Variants in CLEC9A observed in about 807,000 individuals in gnomAD.
The protein encoded by CLEC9A is C-type lectin domain family 9 member A.
A neutral mutation model predicts 30.0 loss-of-function variants in CLEC9A; 24 were observed. That is an observed-to-expected ratio of 0.80 (90% CI 0.58 to 1.13). The LOEUF (loss-of-function observed/expected upper bound fraction) is 1.13. CLEC9A is among the 50% of genes most tolerant of loss of function. CLEC9A has a pLI of 0.00. For missense variants in CLEC9A, 251 were observed against 280.9 expected (o/e 0.89, Z 0.76); for synonymous variants, 111 against 96.8 (o/e 1.15, Z -0.86).
intron 2 of CLEC9A, among the ~76,000 whole-genome samples, chr12:10,047,486 A>C (rs1865856748): frequency 6.6e-6 from 1 of 152,242 alleles, no homozygotes; most frequent in African/African-American, 2.4e-5. Context: ...TGTTAGTAGC[A>C]CAAATCAGAA....
At chr12:10,048,072 A>C (rs1865862146) in intron 2 of CLEC9A, among the ~76,000 whole-genome samples, 1 of 150,378 alleles carries the variant, frequency 6.6e-6, no homozygotes, top group Non-Finnish European at 1.5e-5. Context: ...TCTCTACTAA[A>C]AATACAAAAA....
At chr12:10,056,707 G>A (rs1373153738) in intron 5 of CLEC9A, among the ~76,000 whole-genome samples, 2 of 152,022 alleles carry the variant, frequency 1.3e-5, no homozygotes, top group African/African-American at 2.4e-5. Context: ...TTACTTTTCG[G>A]ATTTTTTTAA....
intron 1 of CLEC9A, among the ~76,000 whole-genome samples, chr12:10,038,078 G>A (rs1474333884): frequency 6.6e-6 from 1 of 152,220 alleles, no homozygotes; most frequent in South Asian, 2.1e-4. Context: ...CCCAGCTTAC[G>A]ACTGGGAACC....
intron 4 of CLEC9A, 51 bp downstream of exon 4, chr12:10,052,829 T>A: frequency 6.3e-7 from 1 of 1,594,192 alleles, no homozygotes; most frequent in South Asian, 1.1e-5. Context: ...ATGTTTTTTT[T>A]TTTTTTCTGC....
intron 2 of CLEC9A, among the ~76,000 whole-genome samples, chr12:10,050,455 C>T (rs1260818453): frequency 6.6e-6 from 1 of 152,174 alleles, no homozygotes. Flanking sequence ...GTACTCTATA[C>T]TAATGATAGT....
chr12:10,065,897 A>C lies in CLEC9A; in HGVS notation c.*265A>C. On this transcript the variant is annotated 3_prime_UTR_variant, in exon 9 of 9. Coordinates refer to ENST00000355819, the MANE Select transcript of CLEC9A (RefSeq NM_207345.4). ...GAGTTAAGAACAAACGCAAGGAAAT[A>C]ATTTTTATTGTTTAAAGCCCGGAAT... is the stretch of plus-strand genomic sequence containing the variant. 3.2e-6 allele frequency: 1 copy of C among 309,358 alleles called. No homozygotes were observed. The highest frequency in any genetic ancestry group is 5.9e-6 in the Non-Finnish European group (1 of 168,390). 19.2% of individuals were successfully genotyped at this position (309,358 alleles called of 1,614,324 possible).
chr12:10,057,160 T>C (rs1429877010), intron 5 of CLEC9A, among the ~76,000 whole-genome samples: 1 of 152,126 alleles, frequency 6.6e-6, no homozygotes, highest in Non-Finnish European at 1.5e-5. Context: ...ACTAATTACT[T>C]GTCCCAGCTA....
At chr12:10,043,402 A>C (rs1865814638) in intron 2 of CLEC9A, 2 of 165,460 alleles carry the variant, frequency 1.2e-5, no homozygotes, top group South Asian at 2.7e-4. Flanking sequence ...CAAGTCACTT[A>C]ATAATTGAAA....
intron 5 of CLEC9A, among the ~76,000 whole-genome samples, chr12:10,058,652 C>G (rs1865964982): frequency 6.6e-6 from 1 of 152,234 alleles, no homozygotes. Context: ...TCAAGTGCCT[C>G]TCCTGTCTCA....
At chr12:10,038,822 T>C (rs557968283) in intron 1 of CLEC9A, among the ~76,000 whole-genome samples, 2 of 152,200 alleles carry the variant, frequency 1.3e-5, no homozygotes, top group African/African-American at 2.4e-5. Context: ...AAAGTAGTTA[T>C]AGGATGGGTG....
At chr12:10,059,085 A>G (rs1487468678) in intron 5 of CLEC9A, among the ~76,000 whole-genome samples, 1 of 152,196 alleles carries the variant, frequency 6.6e-6, no homozygotes, top group Non-Finnish European at 1.5e-5. Flanking sequence ...TGTCTATTCA[A>G]TAACCACAAT....
chr12:10,059,538 T>C (rs1339980368), intron 5 of CLEC9A, among the ~76,000 whole-genome samples: 1 of 152,174 alleles, frequency 6.6e-6, no homozygotes, highest in East Asian at 1.9e-4. Context: ...CATTAAAAAA[T>C]GGTTAATGAA....
intron 4 of CLEC9A, among the ~76,000 whole-genome samples, chr12:10,053,240 C>T (rs1865911235): frequency 6.6e-6 from 1 of 152,110 alleles, no homozygotes; most frequent in African/African-American, 2.4e-5. Flanking sequence ...CTGGTGTAAC[C>T]AATCACACAG....
chr12:10,053,618 A>C (rs992629248), intron 4 of CLEC9A, among the ~76,000 whole-genome samples: 1 of 152,156 alleles, frequency 6.6e-6, no homozygotes, highest in African/African-American at 2.4e-5. Flanking sequence ...AAGGTAACTC[A>C]CAAGTCCCAG....
intron 2 of CLEC9A, among the ~76,000 whole-genome samples, chr12:10,047,159 A>G (rs1419610842): frequency 1.9e-4 from 29 of 152,216 alleles, no homozygotes; most frequent in Admixed American, 1.8e-3. Context: ...TCAAATGTCT[A>G]CAGATCTTGG....
intron 7 of CLEC9A, 46 bp from the exon 8 acceptor site, chr12:10,064,686 T>C (rs747384354): frequency 1.3e-6 from 2 of 1,562,154 alleles, no homozygotes; most frequent in African/African-American, 1.4e-5. Context: ...ACTAGAGTTT[T>C]GTTTGTTTGT....
Position 10,065,773 on chromosome 12 carries a change from C to T in CLEC9A, c.*141C>T. Reference sequence around the variant, plus strand: ...ATTAGCAACCTGGGACTCAATAATACACTTGGGAATATTCTTCCACACCGT... The same window carrying T: ...ATTAGCAACCTGGGACTCAATAATATACTTGGGAATATTCTTCCACACCGT... On this transcript the variant is annotated 3_prime_UTR_variant, in exon 9 of 9. Transcript: ENST00000355819. The T allele has an allele frequency of 2.6e-6, 2 of 759,088 alleles. No homozygotes were observed. The highest frequency in any genetic ancestry group is 2.7e-5 in the East Asian group (1 of 36,610). The allele number at this position is 759,088 out of a possible 1,614,324, so 47.0% of individuals were successfully genotyped here.
chr12:10,047,742 T>C (rs1296501045), intron 2 of CLEC9A, among the ~76,000 whole-genome samples: 1 of 152,228 alleles, frequency 6.6e-6, no homozygotes, highest in Non-Finnish European at 1.5e-5. Context: ...ACAATAGCAC[T>C]ATGTCTACAA....
rs746619217 is a variant in CLEC9A at position 10,065,506 on chromosome 12, A to T, written c.600A>T (p.Pro200=). The T allele has an allele frequency of 6.2e-7, 1 of 1,613,742 alleles. No individual in the cohort carries two copies. The highest frequency in any genetic ancestry group is 1.1e-5 in the South Asian group (1 of 91,076). The change falls in exon 9 of 9, where the codon CCA becomes CCT. Residue 200 remains proline, a synonymous_variant. Coordinates refer to ENST00000355819, the MANE Select transcript of CLEC9A (RefSeq NM_207345.4). The part of the protein sequence containing the change: ...DGSSPSPGLL[P]AERSQSANQV... ...TGTTGACTTGCTTTTCCAGGTTGCC[A>T]GCAGAGAGATCCCAGTCAGCTAACC... is the stretch of plus-strand genomic sequence containing the variant.
Sources: allele counts gnomAD v4.1 joint callset (sites outside exome capture counted in the v4.1 genomes callset), GRCh38; gene constraint gnomAD v4.1.1; transcripts MANE v1.5; gene names NCBI Gene and HGNC (gene_info 2026-07-23, HGNC 2026-07-21).